SSC5D: variants seen among roughly 807,000 people sequenced by gnomAD.
SSC5D encodes scavenger receptor cysteine rich family member with 5 domains.
Under a neutral mutation model 104.6 loss-of-function variants are expected in SSC5D, and 106 were observed. That is an observed-to-expected ratio of 1.01 (90% CI 0.87 to 1.19). The LOEUF is 1.19. Among genes scored for constraint, SSC5D ranks in the 50% most tolerant of loss-of-function variants. The pLI is 0.00. For synonymous variants in SSC5D, 860 were observed against 883.5 expected (o/e 0.97, Z 0.47); for missense variants, 1,993 against 2,153.8 (o/e 0.93, Z 1.48).
intron 12 of SSC5D, chr19:55,504,236 C>T: frequency 6.5e-7 from 1 of 1,527,230 alleles, no homozygotes; most frequent in Non-Finnish European, 8.8e-7. Context: ...GGCACAGCGG[C>T]TGCGGAGACA....
At position 55,489,647 on chromosome 19, in the gene SSC5D, G is replaced by A. The variant is rs749713891; in HGVS notation, c.346G>A (p.Gly116Ser). ...CATCTGCTCCCACGAGGAGGACGCG[G>A]GCGTCGTCTGCGCAGGTGAGGACAC... ...AHICSHEEDA[G>S]VVCAGQRVAN... The change falls in exon 3 of 14, where the codon GGC becomes AGC. Residue 116 changes from glycine to serine, a missense_variant. This residue lies in a region of SSC5D where 1,101 missense variants were observed against 1,085.0 expected (regional missense o/e 1.01). Coordinates refer to ENST00000389623, the MANE Select transcript of SSC5D (RefSeq NM_001144950.2). 2.0e-6 allele frequency: 3 copies of A among 1,533,294 alleles called. No individual in the cohort carries two copies. The highest frequency in any genetic ancestry group is 1.2e-5 in the South Asian group (1 of 83,730). 95.0% of individuals were successfully genotyped at this position (1,533,294 alleles called of 1,614,324 possible). A position where few individuals can be genotyped will look rare whatever the true frequency, so the allele number is the denominator to read the frequency against.
chr19:55,517,449 C>T lies in SSC5D; in HGVS notation c.3173C>T (p.Thr1058Met). ...SPPTPDPASR[T>M]NPDLILTSPD... ...CCCACCCCAGACCCGGCCTCCCGGA[C>T]GAACCCCGACCTCATCTTGACAAGC... is the stretch of plus-strand genomic sequence containing the variant. Residue 1058 changes from threonine to methionine, a missense_variant, in exon 14 of 14, where the codon ACG becomes ATG. By Grantham distance (81) the Thr-to-Met change is moderately conservative. Around this residue, in one of 6 missense-constraint regions of SSC5D, gnomAD observed 423 missense variants for 409.2 expected, o/e 1.03. Transcript: ENST00000389623. 6.4e-7 allele frequency: 1 copy of T among 1,551,184 alleles called. No individual in the cohort carries two copies. The highest frequency in any genetic ancestry group is 2.0e-5 in the Admixed American group (1 of 50,972).
Position 55,500,858 on chromosome 19 carries a change from A to G in SSC5D, c.2617+54A>G, listed in dbSNP as rs555061651. On this transcript the variant is annotated intron_variant, in intron 11 of 13. Coordinates refer to ENST00000389623, the MANE Select transcript of SSC5D (RefSeq NM_001144950.2). This position sits in a 1 kb window ranked among gnomAD's most constrained non-coding sequence, Gnocchi z 4.6. ...TTGTCGGGGGTGGCCAGGAGAATGGAGTCAGGGTGGGGCCAGGTGACGGCA... is the reference window on the plus strand; with the variant it reads ...TTGTCGGGGGTGGCCAGGAGAATGGGGTCAGGGTGGGGCCAGGTGACGGCA... 6.6e-7 allele frequency: 1 copy of G among 1,509,624 alleles called. No homozygotes were observed. The highest frequency in any genetic ancestry group is 1.3e-5 in the South Asian group (1 of 78,684). The allele number at this position is 1,509,624 out of a possible 1,614,324, so 93.5% of individuals were successfully genotyped here. A position where few individuals can be genotyped will look rare whatever the true frequency, so the allele number is the denominator to read the frequency against.
At chr19:55,507,260 C>A (rs998923519) in intron 12 of SSC5D, among the ~76,000 whole-genome samples, 2 of 144,948 alleles carry the variant, frequency 1.4e-5, no homozygotes, top group Non-Finnish European at 3.0e-5. Context: ...AGAAGAATCA[C>A]TTGGGCCCTG....
Position 55,494,698 on chromosome 19 carries a change from C to T in SSC5D, c.1302C>T (p.Thr434=). The T allele has an allele frequency of 1.3e-6, 2 of 1,550,532 alleles. No homozygotes were observed. The highest frequency in any genetic ancestry group is 1.2e-5 in the South Asian group (1 of 83,996). The change falls in exon 8 of 14, where the codon ACC becomes ACT. Residue 434 remains threonine, a synonymous_variant. Transcript: ENST00000389623. ...AGGCTGCCTCCAGGCCCCCGTCCAC[C>T]ATGACGAGCCAGGCTCCAGGGACGG... The part of the protein sequence containing the change: ...PREAASRPPS[T]MTSQAPGTAG...
intron 6 of SSC5D, 169 bp downstream of exon 6, chr19:55,491,249 C>T: frequency 1.4e-6 from 1 of 738,796 alleles, no homozygotes. Context: ...TTCCACAGCT[C>T]CTGCCGTTCT....
Position 55,503,865 on chromosome 19 carries a change from C to T in SSC5D, c.2785+2664C>T, listed in dbSNP as rs1252436216. Among the ~76,000 whole-genome samples the T allele has an allele frequency of 6.6e-6, 1 of 152,180 alleles. No individual in the cohort carries two copies. Among genetic ancestry groups the T allele is most frequent in the African/African-American group, 2.4e-5 (1 of 41,454 alleles). The stretch of plus-strand genomic sequence containing the variant: ...CACGCATGCGCAGGCGCGGTGGGCC[C>T]GGGAATGGAGGGACGGGATGGGGCA... On this transcript the variant is annotated intron_variant, in intron 12 of 13. Transcript: ENST00000389623. This position sits in a 1 kb window ranked among gnomAD's most constrained non-coding sequence, Gnocchi z 4.0.
intron 4 of SSC5D, 57 bp downstream of exon 4, chr19:55,490,052 C>G (rs1352185020): frequency 1.0e-6 from 1 of 974,408 alleles, no homozygotes; most frequent in Non-Finnish European, 1.4e-6. Flanking sequence ...CTGCCCCCCC[C>G]GAGGGGAGAG....
At chr19:55,517,106 T>A in intron 13 of SSC5D, 118 bp from the exon 14 acceptor site, 2 of 927,284 alleles carry the variant, frequency 2.2e-6, no homozygotes, top group East Asian at 5.3e-5. Context: ...CGGTGACCCA[T>A]GACGTCTCGA....
At chr19:55,512,936 C>T in intron 12 of SSC5D, 75 bp from the exon 13 acceptor site, 2 of 1,532,820 alleles carry the variant, frequency 1.3e-6, no homozygotes, top group East Asian at 2.5e-5. Flanking sequence ...TGGGGCTGGC[C>T]CAGGAGGAGA....
At chr19:55,496,011 G>A (rs1043376374) in intron 8 of SSC5D, among the ~76,000 whole-genome samples, 1 of 151,690 alleles carries the variant, frequency 6.6e-6, no homozygotes, top group Non-Finnish European at 1.5e-5. Context: ...TAAGTGCTGG[G>A]ATTATAGGCG....
chr19:55,494,031 C>T, intron 7 of SSC5D, 119 bp downstream of exon 7: 1 of 942,090 alleles, frequency 1.1e-6, no homozygotes, highest in Non-Finnish European at 1.6e-6. Flanking sequence ...TCCGGACTTT[C>T]CACTCCCCCA....
intron 12 of SSC5D, among the ~76,000 whole-genome samples, chr19:55,510,961 T>A (rs945492392): frequency 2.0e-5 from 3 of 152,082 alleles, no homozygotes; most frequent in Non-Finnish European, 4.4e-5. Context: ...GTATTTTTCG[T>A]AGAGACAGGG....
chr19:55,515,466 G>C (rs1987851336), intron 13 of SSC5D, among the ~76,000 whole-genome samples: 2 of 150,910 alleles, frequency 1.3e-5, no homozygotes, highest in Non-Finnish European at 2.9e-5. Context: ...GGGCGCAGTG[G>C]CCACGCCTGT....
chr19:55,512,149 G>A (rs976622467), intron 12 of SSC5D, among the ~76,000 whole-genome samples: 3 of 149,868 alleles, frequency 2.0e-5, no homozygotes, highest in African/African-American at 7.4e-5. Flanking sequence ...GCAGTGAGCC[G>A]ATATTGCGCC....
At position 55,501,101 on chromosome 19, in the gene SSC5D, G is replaced by A; in HGVS notation, c.2685G>A (p.Lys895=). 1 of 1,551,768 alleles carries A rather than the reference G, an allele frequency of 6.4e-7. No individual in the cohort carries two copies. The highest frequency in any genetic ancestry group is 8.7e-7 in the Non-Finnish European group (1 of 1,146,976). ...WDPTSREDLA[K]GTTTAGVPGH... ...CCACCTCAAGAGAGGACCTGGCCAAGGGGACTACCACAGCGGGGGTACCTG... is the reference window on the plus strand; with the variant it reads ...CCACCTCAAGAGAGGACCTGGCCAAAGGGACTACCACAGCGGGGGTACCTG... The change falls in exon 12 of 14, where the codon AAG becomes AAA. Residue 895 remains lysine (K), a synonymous_variant. Transcript: ENST00000389623.
Position 55,494,796 on chromosome 19 carries a change from A to G in SSC5D, c.1387+13A>G. ...GGACCGGAAGCCGGTGAGTCCCTCCATGCTCCCCAAGAAAACAGGGTCCTT... is the reference window on the plus strand; with the variant it reads ...GGACCGGAAGCCGGTGAGTCCCTCCGTGCTCCCCAAGAAAACAGGGTCCTT... On this transcript the variant is annotated intron_variant, in intron 8 of 13. Transcript: ENST00000389623. 1.3e-6 allele frequency: 2 copies of G among 1,527,014 alleles called. No homozygotes were observed. Among genetic ancestry groups the G allele is most frequent in the South Asian group, 1.2e-5 (1 of 82,160 alleles). The allele number at this position is 1,527,014 out of a possible 1,614,324, so 94.6% of individuals were successfully genotyped here.
chr19:55,506,947 G>A (rs1462194274), intron 12 of SSC5D, among the ~76,000 whole-genome samples: 3 of 151,774 alleles, frequency 2.0e-5, no homozygotes, highest in Non-Finnish European at 2.9e-5. Context: ...CAGAGGGATC[G>A]CTTGAACCCA....
chr19:55,501,313 C>T (rs1987497963), intron 12 of SSC5D, 112 bp downstream of exon 12: 2 of 1,312,752 alleles, frequency 1.5e-6, no homozygotes, highest in African/African-American at 1.5e-5. Flanking sequence ...CCTCGGGGCA[C>T]CCTGGAAAGG....
Sources: gnomAD v4.1 joint callset for allele counts (sites outside exome capture counted in the v4.1 genomes callset) on GRCh38, gnomAD v4.1.1 for gene constraint, gnomAD v4.1.1 regional missense constraint, Gnocchi (gnomAD v3.1) non-coding constraint, MANE v1.5 for transcripts, NCBI Gene and HGNC (gene_info 2026-07-23, HGNC 2026-07-21) for gene names.